The following SORCS3 variants were observed in gnomAD, a reference collection of about 807,000 sequenced individuals.
SORCS3 encodes the protein VPS10 domain-containing receptor SorCS3.
In SORCS3, 57 loss-of-function variants were observed where a neutral mutation model predicts 146.3. The ratio of observed to expected loss-of-function variants is 0.39; its 90% confidence interval spans 0.31 to 0.49. The LOEUF (loss-of-function observed/expected upper bound fraction) is 0.49. Among genes scored for constraint, SORCS3 ranks in the 20% least tolerant of loss-of-function variants. The pLI is 0.92. For synonymous variants in SORCS3, 653 were observed against 618.5 expected, an observed-to-expected ratio of 1.06 and a Z score of -0.83; for missense variants, 1,341 against 1,575.5, an observed-to-expected ratio of 0.85 and a Z score of 2.52.
intron 7 of SORCS3, among the ~76,000 whole-genome samples, chr10:105,127,622 C>G (rs746808154): frequency 1.3e-5 from 2 of 152,076 alleles, no homozygotes; most frequent in African/African-American, 2.4e-5. Flanking sequence ...GACCTGAGTA[C>G]TAGGTACTAA....
intron 4 of SORCS3, among the ~76,000 whole-genome samples, chr10:105,029,288 C>G (rs1353359751): frequency 1.3e-5 from 2 of 152,190 alleles, no homozygotes; most frequent in Non-Finnish European, 2.9e-5. Context: ...AGTCTCAAAG[C>G]AGATGCTGTC....
chr10:104,901,427 G>A (rs1179251482), intron 2 of SORCS3, among the ~76,000 whole-genome samples: 1 of 152,276 alleles, frequency 6.6e-6, no homozygotes, highest in East Asian at 1.9e-4. Flanking sequence ...TGGCTTAATT[G>A]CTTCCTACTC....
chr10:105,132,028 A>G (rs2056023111), intron 7 of SORCS3, among the ~76,000 whole-genome samples: 1 of 152,132 alleles, frequency 6.6e-6, no homozygotes, highest in Non-Finnish European at 1.5e-5. Context: ...ATGAAGTGAC[A>G]TGGGACCCAT....
At chr10:104,863,996 A>G (rs936977985) in intron 2 of SORCS3, among the ~76,000 whole-genome samples, 4 of 152,186 alleles carry the variant, frequency 2.6e-5, no homozygotes, top group Non-Finnish European at 5.9e-5. Context: ...AGGACAAGTG[A>G]GGGCAATATG....
chr10:104,966,579 C>G (rs1451618639), intron 3 of SORCS3, among the ~76,000 whole-genome samples: 1 of 152,128 alleles, frequency 6.6e-6, no homozygotes, highest in Non-Finnish European at 1.5e-5. Context: ...CCTTGACTTT[C>G]TGGATCTCTG....
chr10:105,031,138 C>G (rs945380990), intron 4 of SORCS3, among the ~76,000 whole-genome samples: 1 of 151,600 alleles, frequency 6.6e-6, no homozygotes, highest in Non-Finnish European at 1.5e-5. Context: ...CTAGTAAAAA[C>G]ACATGAAAAA....
chr10:104,920,447 T>G (rs1037943170), intron 3 of SORCS3, among the ~76,000 whole-genome samples: 5 of 152,250 alleles, frequency 3.3e-5, no homozygotes, highest in Admixed American at 2.0e-4. Context: ...CTACCAGTAA[T>G]CATCCCAGGT....
At chr10:105,231,058 C>T (rs1589699880) in intron 20 of SORCS3, among the ~76,000 whole-genome samples, 2 of 152,184 alleles carry the variant, frequency 1.3e-5, no homozygotes, top group African/African-American at 4.8e-5. Context: ...GAGTCCCTTT[C>T]CACATTGGGG....
intron 24 of SORCS3, 78 bp downstream of exon 24, chr10:105,255,879 A>C: frequency 8.6e-7 from 1 of 1,164,716 alleles, no homozygotes; most frequent in Admixed American, 1.9e-5. Flanking sequence ...GAATCATGAA[A>C]CCCTGCTGCA....
At chr10:105,068,889 C>A (rs961306053) in intron 5 of SORCS3, among the ~76,000 whole-genome samples, 1 of 152,100 alleles carries the variant, frequency 6.6e-6, no homozygotes, top group African/African-American at 2.4e-5. Context: ...CTTTATAGAT[C>A]ATAAAGAGAT....
intron 4 of SORCS3, among the ~76,000 whole-genome samples, chr10:105,008,040 G>A (rs1306374509): frequency 6.6e-6 from 1 of 152,188 alleles, no homozygotes; most frequent in African/African-American, 2.4e-5. Context: ...GAAATTGCTG[G>A]CCTGGCATGA....
At chr10:104,642,866 T>C (rs2015443108) in intron 1 of SORCS3, among the ~76,000 whole-genome samples, 1 of 152,150 alleles carries the variant, frequency 6.6e-6, no homozygotes, top group Non-Finnish European at 1.5e-5. Flanking sequence ...TTGAGCCCGG[T>C]CTGGCCTACT....
At chr10:105,228,502 C>T (rs1436811435) in intron 20 of SORCS3, among the ~76,000 whole-genome samples, 4 of 151,700 alleles carry the variant, frequency 2.6e-5, no homozygotes, top group African/African-American at 9.7e-5. Context: ...TTCTCTTTCA[C>T]AGGATTTTCT....
intron 1 of SORCS3, among the ~76,000 whole-genome samples, chr10:104,781,098 T>C (rs2017369012): frequency 1.3e-5 from 2 of 152,232 alleles, no homozygotes; most frequent in African/African-American, 4.8e-5. Context: ...GGTGATTAGA[T>C]GATAGACAAC....
chr10:105,038,205 G>C (rs142742527), intron 4 of SORCS3, among the ~76,000 whole-genome samples: 1 of 152,178 alleles, frequency 6.6e-6, no homozygotes, highest in Non-Finnish European at 1.5e-5. Flanking sequence ...ATATGGAAGA[G>C]AACATGGCCT....
At chr10:104,943,152 C>T (rs147624075) in intron 3 of SORCS3, among the ~76,000 whole-genome samples, 8 of 151,994 alleles carry the variant, frequency 5.3e-5, no homozygotes, top group East Asian at 3.9e-4. Flanking sequence ...TTTTAAGAGA[C>T]GGAGTTTTGC....
chr10:104,756,263 G>A (rs1196697651), intron 1 of SORCS3, among the ~76,000 whole-genome samples: 3 of 152,142 alleles, frequency 2.0e-5, no homozygotes, highest in Non-Finnish European at 2.9e-5. Flanking sequence ...TAAATACTAT[G>A]GGGGCATATA....
At chr10:105,239,219 A>G (rs1168120742) in intron 20 of SORCS3, among the ~76,000 whole-genome samples, 1 of 152,194 alleles carries the variant, frequency 6.6e-6, no homozygotes, top group Non-Finnish European at 1.5e-5. Context: ...TAGATCCACA[A>G]TTATATATCC....
chr10:105,070,534 T>G (rs1420938604), intron 5 of SORCS3, among the ~76,000 whole-genome samples: 6 of 152,304 alleles, frequency 3.9e-5, no homozygotes, highest in Admixed American at 2.0e-4. Flanking sequence ...TCCCAGCCTG[T>G]GATCAAGGAA....
Sources: gnomAD v4.1 joint callset for allele counts (sites outside exome capture counted in the v4.1 genomes callset) on GRCh38, gnomAD v4.1.1 for gene constraint, MANE v1.5 for transcripts, NCBI Gene and HGNC (gene_info 2026-07-23, HGNC 2026-07-21) for gene names.